Variants in DGUOK observed in about 807,000 individuals in gnomAD.
DGUOK encodes the protein deoxyguanosine kinase, mitochondrial.
DGUOK carries 30 observed loss-of-function variants against 36.6 expected under a neutral mutation model. That is an observed-to-expected ratio of 0.82 (90% CI 0.61 to 1.11). DGUOK has a LOEUF of 1.11. DGUOK is among the 50% of genes most tolerant of loss of function. The pLI is 0.00. For synonymous variants in DGUOK, 145 were observed against 126.3 expected, an observed-to-expected ratio of 1.15 and a Z score of -0.99; for missense variants, 361 against 336.4, an observed-to-expected ratio of 1.07 and a Z score of -0.57.
chr2:73,940,488 C>A (rs1162066042), intron 2 of DGUOK, among the ~76,000 whole-genome samples: 1 of 152,068 alleles, frequency 6.6e-6, no homozygotes, highest in East Asian at 1.9e-4. Context: ...TAAGTTGTCT[C>A]TTTATATGTC....
At chr2:73,937,839 C>T (rs1681583855) in intron 1 of DGUOK, among the ~76,000 whole-genome samples, 1 of 152,128 alleles carries the variant, frequency 6.6e-6, no homozygotes, top group South Asian at 2.1e-4. Context: ...TCGAAACAAC[C>T]ACTACTTTTC....
chr2:73,937,219 A>G (rs1047608733), intron 1 of DGUOK, among the ~76,000 whole-genome samples: 7 of 152,186 alleles, frequency 4.6e-5, no homozygotes, highest in African/African-American at 1.7e-4. Flanking sequence ...TTGCACTTAG[A>G]ATAGAATTCA....
intron 1 of DGUOK, among the ~76,000 whole-genome samples, chr2:73,931,384 C>T (rs1309569123): frequency 6.6e-6 from 1 of 152,168 alleles, no homozygotes; most frequent in African/African-American, 2.4e-5. Flanking sequence ...AAGTGATTCT[C>T]CTGTCTCAGC....
intron 1 of DGUOK, among the ~76,000 whole-genome samples, chr2:73,933,477 C>T (rs1005462434): frequency 2.6e-5 from 4 of 152,088 alleles, no homozygotes; most frequent in African/African-American, 9.7e-5. Flanking sequence ...GGAGGCTTCA[C>T]AGAGAAGGTG....
chr2:73,943,573 A>G (rs1024375810), intron 2 of DGUOK, among the ~76,000 whole-genome samples: 42 of 152,082 alleles, frequency 2.8e-4, no homozygotes, highest in African/African-American at 9.6e-4. Flanking sequence ...GATAGAAATC[A>G]TCTTTAAGAT....
At chr2:73,958,590 C>T in intron 6 of DGUOK, 120 bp from the exon 7 acceptor site, 1 of 839,048 alleles carries the variant, frequency 1.2e-6, no homozygotes, top group Non-Finnish European at 2.0e-6. Flanking sequence ...TTCTCCATGC[C>T]TATTATTTTC....
intron 2 of DGUOK, among the ~76,000 whole-genome samples, chr2:73,942,122 C>T (rs1459626099): frequency 6.6e-6 from 1 of 152,116 alleles, no homozygotes; most frequent in Non-Finnish European, 1.5e-5. Context: ...GTTGGCCAGG[C>T]TGGTCTGGAA....
At chr2:73,956,830 A>G (rs1047473345) in intron 4 of DGUOK, among the ~76,000 whole-genome samples, 1 of 152,206 alleles carries the variant, frequency 6.6e-6, no homozygotes, top group Non-Finnish European at 1.5e-5. Context: ...TCCCAGATAT[A>G]GTAGGGAGAA....
At chr2:73,948,813 T>C (rs762081800) in intron 3 of DGUOK, among the ~76,000 whole-genome samples, 9 of 152,114 alleles carry the variant, frequency 5.9e-5, no homozygotes, top group Non-Finnish European at 1.2e-4. Context: ...AGTACTTCCC[T>C]CCCACTCAGC....
chr2:73,928,951 A>G (rs1328929654), intron 1 of DGUOK, among the ~76,000 whole-genome samples: 1 of 152,216 alleles, frequency 6.6e-6, no homozygotes, highest in Non-Finnish European at 1.5e-5. Flanking sequence ...ATTGGGTTCT[A>G]GTTATATTTT....
chr2:73,954,419 C>T (rs1682937567), intron 4 of DGUOK, among the ~76,000 whole-genome samples: 1 of 152,040 alleles, frequency 6.6e-6, no homozygotes, highest in Admixed American at 6.6e-5. Flanking sequence ...CCTGTAATCC[C>T]AGCACTTTGG....
At position 73,957,211 on chromosome 2, in the gene DGUOK, C is replaced by G. The variant is rs372217661; in HGVS notation, c.678C>G (p.His226Gln). The change falls in exon 5 of 7, where the codon CAC becomes CAG. Residue 226 changes from histidine to glutamine, a missense_variant. Physicochemically the swap from His to Gln is conservative, Grantham distance 24. Transcript: ENST00000264093. ...LAYLEQLHGQ[H>Q]EAWLIHKTTK... ...ATCTAGAGCAGCTGCATGGCCAACA[C>G]GAAGCCTGGCTTATTCACAAGACAA... The G allele has an allele frequency of 6.2e-7, 1 of 1,614,034 alleles. No individual in the cohort carries two copies. Among genetic ancestry groups the G allele is most frequent in the African/African-American group, 1.3e-5 (1 of 75,012 alleles).
chr2:73,957,058 C>G (rs1019911891), intron 4 of DGUOK, 67 bp from the exon 5 acceptor site: 1 of 1,121,586 alleles, frequency 8.9e-7, no homozygotes, highest in Admixed American at 1.7e-5. Flanking sequence ...CCTCAGAGCC[C>G]CCGAAGACTG....
chr2:73,956,705 C>A (rs1683119341), intron 4 of DGUOK, among the ~76,000 whole-genome samples: 1 of 152,180 alleles, frequency 6.6e-6, no homozygotes, highest in Admixed American at 6.5e-5. Context: ...GGAGGCAGAA[C>A]CAGAAGGCTC....
At chr2:73,949,354 A>G (rs1294512887) in intron 3 of DGUOK, among the ~76,000 whole-genome samples, 1 of 152,230 alleles carries the variant, frequency 6.6e-6, no homozygotes, top group Non-Finnish European at 1.5e-5. Context: ...CAACTAGACT[A>G]TGGCTAAACC....
intron 2 of DGUOK, among the ~76,000 whole-genome samples, chr2:73,943,648 C>G (rs1401754021): frequency 6.7e-6 from 1 of 149,852 alleles, no homozygotes; most frequent in Non-Finnish European, 1.5e-5. Context: ...CTCAGTTATT[C>G]AGGTTTTTTT....
chr2:73,936,252 C>T (rs1418773671), intron 1 of DGUOK, among the ~76,000 whole-genome samples: 1 of 152,178 alleles, frequency 6.6e-6, no homozygotes, highest in Non-Finnish European at 1.5e-5. Flanking sequence ...CCACTTCGCA[C>T]CTGACCAGTG....
intron 1 of DGUOK, 94 bp downstream of exon 1, chr2:73,927,146 A>T (rs1680659223): frequency 6.5e-7 from 1 of 1,539,538 alleles, no homozygotes; most frequent in South Asian, 1.1e-5. Context: ...CCTGCGTCTG[A>T]TGCGGCCGGC....
At chr2:73,948,035 A>C (rs1040998767) in intron 3 of DGUOK, 1 of 152,170 alleles carries the variant, frequency 6.6e-6, no homozygotes, top group Non-Finnish European at 1.5e-5. Flanking sequence ...CCTATAGGCT[A>C]TCCGTTCCTT....
Sources: gnomAD v4.1 joint callset for allele counts (sites outside exome capture counted in the v4.1 genomes callset) on GRCh38, gnomAD v4.1.1 for gene constraint, MANE v1.5 for transcripts, NCBI Gene and HGNC (gene_info 2026-07-23, HGNC 2026-07-21) for gene names.